PIK3C2G: variants seen among roughly 807,000 people sequenced by gnomAD.
PIK3C2G encodes the protein phosphatidylinositol 3-kinase C2 domain-containing subunit gamma.
In PIK3C2G, 168 loss-of-function variants were observed where a neutral mutation model predicts 181.1. That is an observed-to-expected ratio of 0.93 (90% CI 0.82 to 1.05). PIK3C2G has a LOEUF of 1.05. PIK3C2G is among the 50% of genes least tolerant of loss of function. The pLI is 0.00. For synonymous variants in PIK3C2G, 573 were observed against 592.2 expected, an observed-to-expected ratio of 0.97 and a Z score of 0.47; for missense variants, 1,869 against 1,732.8, an observed-to-expected ratio of 1.08 and a Z score of -1.40.
At chr12:18,635,226 T>G (rs1949539001) in intron 31 of PIK3C2G, among the ~76,000 whole-genome samples, 1 of 152,200 alleles carries the variant, frequency 6.6e-6, no homozygotes, top group African/African-American at 2.4e-5. Flanking sequence ...CTCTGTCAAC[T>G]GACCGCAGGG....
At chr12:18,261,062 TTAAA>T (rs1948219784), upstream of PIK3C2G, among the ~76,000 whole-genome samples, 1 of 152,134 alleles carries the variant, frequency 6.6e-6, no homozygotes, top group Non-Finnish European at 1.5e-5. Context: ...TAAATTCTAA[TTAAA>T]TAAAGAAAAT....
At chr12:18,464,862 T>A (rs943465132) in intron 18 of PIK3C2G, among the ~76,000 whole-genome samples, 1 of 152,028 alleles carries the variant, frequency 6.6e-6, no homozygotes, top group Non-Finnish European at 1.5e-5. Flanking sequence ...CATGAATATT[T>A]ATTGTGAGTA....
chr12:18,690,287 G>A, the PIK3C2G span, among the ~76,000 whole-genome samples: 9 of 152,132 alleles, frequency 5.9e-5, no homozygotes, highest in Non-Finnish European at 8.8e-5. Flanking sequence ...GCAACGGTGC[G>A]ACCTCGGCTC....
chr12:18,348,613 T>A (rs2137678742), intron 11 of PIK3C2G, among the ~76,000 whole-genome samples: 1 of 152,294 alleles, frequency 6.6e-6, no homozygotes, highest in Non-Finnish European at 1.5e-5. Flanking sequence ...AACATGAAGC[T>A]ATTCCTGTCT....
intron 13 of PIK3C2G, among the ~76,000 whole-genome samples, chr12:18,374,637 A>G (rs1942310189): frequency 6.6e-6 from 1 of 152,126 alleles, no homozygotes; most frequent in Non-Finnish European, 1.5e-5. Context: ...CACTCTGTAA[A>G]CACTTCACTA....
At chr12:18,433,948 AC>A (rs1352469003) in intron 18 of PIK3C2G, among the ~76,000 whole-genome samples, 3 of 152,200 alleles carry the variant, frequency 2.0e-5, no homozygotes, top group African/African-American at 7.2e-5. Context: ...GATGGGACTT[AC>A]CCAGAATCCT....
At chr12:18,708,791 G>C in the PIK3C2G span, among the ~76,000 whole-genome samples, 7 of 152,040 alleles carry the variant, frequency 4.6e-5, no homozygotes, top group Non-Finnish European at 5.9e-5. Context: ...TCATATACTT[G>C]TTGGCCATTT....
intron 2 of PIK3C2G, among the ~76,000 whole-genome samples, chr12:18,286,546 G>A (rs1392726053): frequency 6.6e-6 from 1 of 151,944 alleles, no homozygotes; most frequent in Non-Finnish European, 1.5e-5. Context: ...AATAACAGTA[G>A]TTACCAAATA....
At chr12:18,711,936 T>C in the PIK3C2G span, among the ~76,000 whole-genome samples, 1 of 152,174 alleles carries the variant, frequency 6.6e-6, no homozygotes, top group East Asian at 1.9e-4. Flanking sequence ...ATGATATTTG[T>C]ATCTTTGAAA....
chr12:18,303,141 T>TCTTTCTTTCTTTCTTTCTTTC (rs1555153547), intron 5 of PIK3C2G, among the ~76,000 whole-genome samples: 1 of 110,116 alleles, frequency 9.1e-6, no homozygotes, highest in South Asian at 2.9e-4. Flanking sequence ...TTTCTTTCTT[T>TCTTTCTTTCTTTCTTTCTTTC]TCTTTTCTTT....
Position 18,261,865 on chromosome 12 carries a change from T to C in PIK3C2G, c.-79+288T>C, listed in dbSNP as rs74396936. ...TTCTTTCTCTCTCTCTCCAGCTAGC[T>C]GACACCACAGATTGCATTTGATAAC... On this transcript the variant is annotated intron_variant, in intron 1 of 32. Coordinates refer to ENST00000538779, the MANE Select transcript of PIK3C2G (RefSeq NM_001288772.2). 9.7e-3 allele frequency among the ~76,000 whole-genome samples: 1,472 copies of C among 152,142 alleles called. 31 individuals are homozygous for C. Among genetic ancestry groups the C allele is most frequent in the African/African-American group, 0.033 (1,364 of 41,514 alleles).
intron 26 of PIK3C2G, among the ~76,000 whole-genome samples, chr12:18,549,435 T>C (rs1362698575): frequency 2.0e-5 from 3 of 152,038 alleles, no homozygotes; most frequent in African/African-American, 7.2e-5. Flanking sequence ...CTGTTCTAAG[T>C]GCTTTTCTTA....
At chr12:18,295,762 A>G (rs1187112829) in intron 5 of PIK3C2G, among the ~76,000 whole-genome samples, 1 of 152,032 alleles carries the variant, frequency 6.6e-6, no homozygotes, top group African/African-American at 2.4e-5. Context: ...GGATTTGCAT[A>G]TTATTTAAGA....
chr12:18,683,894 G>A, the PIK3C2G span, among the ~76,000 whole-genome samples: 1 of 151,858 alleles, frequency 6.6e-6, no homozygotes, highest in Admixed American at 6.6e-5. Flanking sequence ...GTAAAGAAAT[G>A]CTTATACATG....
chr12:18,562,133 TTTG>T (rs920702015), intron 26 of PIK3C2G, among the ~76,000 whole-genome samples: 4 of 152,312 alleles, frequency 2.6e-5, no homozygotes, highest in Admixed American at 6.5e-5. Context: ...AAAATCTTTT[TTTG>T]TTGTTGTTGT....
intron 14 of PIK3C2G, among the ~76,000 whole-genome samples, chr12:18,389,313 A>C (rs1419848842): frequency 6.6e-6 from 1 of 151,618 alleles, no homozygotes; most frequent in African/African-American, 2.4e-5. Context: ...AAATGGTGCC[A>C]CTGCACTCCA....
At chr12:18,556,316 T>A (rs987979182) in intron 26 of PIK3C2G, among the ~76,000 whole-genome samples, 7 of 152,220 alleles carry the variant, frequency 4.6e-5, no homozygotes, top group African/African-American at 1.7e-4. Context: ...CAAGTCCAAT[T>A]ACAGTTAACA....
chr12:18,704,618 C>T, the PIK3C2G span, among the ~76,000 whole-genome samples: 9 of 152,006 alleles, frequency 5.9e-5, no homozygotes, highest in East Asian at 5.8e-4. Flanking sequence ...TGAGTCACTG[C>T]ACCGGGCCAT....
intron 18 of PIK3C2G, among the ~76,000 whole-genome samples, chr12:18,445,217 T>C (rs1475437127): frequency 6.6e-6 from 1 of 152,056 alleles, no homozygotes; most frequent in Non-Finnish European, 1.5e-5. Context: ...ATAGGTGTTG[T>C]ATATCATCTT....
Sources: gnomAD v4.1 joint callset for allele counts (sites outside exome capture counted in the v4.1 genomes callset) on GRCh38, gnomAD v4.1.1 for gene constraint, MANE v1.5 for transcripts, NCBI Gene and HGNC (gene_info 2026-07-23, HGNC 2026-07-21) for gene names.